The following HTR2C variants were observed in gnomAD, a reference collection of about 807,000 sequenced individuals.
The protein encoded by HTR2C is 5-hydroxytryptamine (serotonin) receptor 2C, G protein-coupled.
Under a neutral mutation model 21.0 loss-of-function variants are expected in HTR2C, and 5 were observed. The observed-to-expected ratio is 0.24, with a 90% CI of 0.12 to 0.50. The LOEUF (loss-of-function observed/expected upper bound fraction) is 0.50. Among genes scored for constraint, HTR2C ranks in the 20% least tolerant of loss-of-function variants. The pLI is 0.98. For missense variants in HTR2C, 271 were observed against 371.2 expected, an observed-to-expected ratio of 0.73 and a Z score of 2.22; for synonymous variants, 150 against 145.3, an observed-to-expected ratio of 1.03 and a Z score of -0.23.
rs1163455196 is a variant in HTR2C, at chrX:114,605,297, T to C, written c.-146-8518T>C. Among the ~76,000 whole-genome samples the C allele has an allele frequency of 2.7e-5, 3 of 110,769 alleles. No individual in the cohort carries two copies. In the South Asian group the frequency reaches 1.1e-3, roughly 42 times the overall value. ...AGGAGGGGAGGTGATAAAAAGATTA[T>C]AGGGTGGAGGAGCAGAGGCTGAGGA... On this transcript the variant is annotated intron_variant, in intron 1 of 5. Transcript: ENST00000276198.
rs782715573 is a variant in HTR2C at position 114,681,563 on chromosome X, C to T, written c.-79-45295C>T. Among the ~76,000 whole-genome samples, 43 of 111,102 alleles carry T rather than the reference C, an allele frequency of 3.9e-4. 2 individuals carry two copies. In the South Asian group the frequency reaches 0.015, roughly 40 times the overall value. On this transcript the variant is annotated intron_variant, in intron 2 of 5. Coordinates refer to ENST00000276198, the MANE Select transcript of HTR2C (RefSeq NM_000868.4). The stretch of plus-strand genomic sequence containing the variant: ...TAAAGAAGACTCAAGTTACAATTTG[C>T]AGTTGGGTTTTTTAACCTCTAGCTC...
rs1222982388 is a variant in HTR2C, at chrX:114,722,842, G to T, written c.-79-4016G>T. 3.7e-5 allele frequency among the ~76,000 whole-genome samples: 4 copies of T among 107,700 alleles called. No homozygotes were observed. In the East Asian group the frequency reaches 1.2e-3, roughly 31 times the overall value. The allele number at this position is 107,700 out of a possible 115,157, so 93.5% of individuals were successfully genotyped here. On this transcript the variant is annotated intron_variant, in intron 2 of 5. Coordinates refer to ENST00000276198, the MANE Select transcript of HTR2C (RefSeq NM_000868.4). ...TTATTGATTTGTGTATATTGAACCAGCCTTGCATCCCAGGGATGAAGCCCA... is the reference window on the plus strand; with the variant it reads ...TTATTGATTTGTGTATATTGAACCATCCTTGCATCCCAGGGATGAAGCCCA...
In HTR2C at chrX:114,648,498, A is replaced by G. The variant is rs782009726; in HGVS notation, c.-80+34617A>G. Among the ~76,000 whole-genome samples, 68 of 111,556 alleles carry G rather than the reference A, an allele frequency of 6.1e-4. 1 individual carries two copies. Among genetic ancestry groups the G allele is most frequent in the African/African-American group, 2.1e-3 (65 of 30,712 alleles). On this transcript the variant is annotated intron_variant, in intron 2 of 5. Coordinates refer to ENST00000276198, the MANE Select transcript of HTR2C (RefSeq NM_000868.4). The stretch of plus-strand genomic sequence containing the variant: ...ATCCCAGCACTTTGGGAGGCCGAGG[A>G]GGGAAGATTGCTTGAGCCCAGGTGT...
At chrX:114,717,352 C>T (rs782392923) in intron 2 of HTR2C, among the ~76,000 whole-genome samples, 3 of 112,116 alleles carry the variant, frequency 2.7e-5, no homozygotes, top group Non-Finnish European at 5.6e-5. Flanking sequence ...GGATTATAGG[C>T]GTGAGCCATC....
chrX:114,604,760 T>C (rs1298378697), intron 1 of HTR2C, among the ~76,000 whole-genome samples: 2 of 111,200 alleles, frequency 1.8e-5, no homozygotes, highest in Non-Finnish European at 3.8e-5. Flanking sequence ...TTCTGGCACG[T>C]GTAGCAAGCT....
intron 2 of HTR2C, among the ~76,000 whole-genome samples, chrX:114,723,635 T>C (rs1304641002): frequency 9.1e-6 from 1 of 109,734 alleles, no homozygotes; most frequent in Non-Finnish European, 1.9e-5. Context: ...TCTTTCCTGC[T>C]TTCTCTTGTG....
rs376681188 is a variant in HTR2C, at chrX:114,807,360, A to G, written c.350-40643A>G. On this transcript the variant is annotated intron_variant, in intron 4 of 5. Transcript: ENST00000276198. ...CCATGTATCTATACCATATATATAC[A>G]CCATATATCTATACCATATATATAC... Among the ~76,000 whole-genome samples the G allele has an allele frequency of 8.2e-3, 234 of 28,677 alleles. 63 individuals are homozygous for G. Among genetic ancestry groups the G allele is most frequent in the South Asian group, 0.048 (17 of 352 alleles). The allele number at this position is 28,677 out of a possible 115,157, so 24.9% of individuals were successfully genotyped here. A position where few individuals can be genotyped will look rare whatever the true frequency, so the allele number is the denominator to read the frequency against.
At chrX:114,820,934 A>G (rs962820047) in intron 4 of HTR2C, among the ~76,000 whole-genome samples, 15 of 111,679 alleles carry the variant, frequency 1.3e-4, no homozygotes, top group Admixed American at 7.7e-4. Flanking sequence ...TTTTCTGTTA[A>G]TTAAAATTTC....
At chrX:114,668,334 G>T (rs1337331245) in intron 2 of HTR2C, among the ~76,000 whole-genome samples, 1 of 111,609 alleles carries the variant, frequency 9.0e-6, no homozygotes, top group Admixed American at 9.6e-5. Flanking sequence ...GGCACTTTAA[G>T]AACATGTCTT....
At chrX:114,766,310 A>G (rs1295895424) in intron 4 of HTR2C, among the ~76,000 whole-genome samples, 1 of 111,901 alleles carries the variant, frequency 8.9e-6, no homozygotes, top group Non-Finnish European at 1.9e-5. Context: ...TTCATACAAT[A>G]GTGTTAATTT....
intron 2 of HTR2C, among the ~76,000 whole-genome samples, chrX:114,707,880 TAGTAAA>T (rs1435515177): frequency 9.1e-6 from 1 of 109,619 alleles, no homozygotes; most frequent in Non-Finnish European, 1.9e-5. Flanking sequence ...TACTATATAA[TAGTAAA>T]TAGGCAAAAA....
chrX:114,864,180 T>C (rs1450601425), intron 5 of HTR2C, among the ~76,000 whole-genome samples: 1 of 92,314 alleles, frequency 1.1e-5, no homozygotes, highest in Non-Finnish European at 2.2e-5. Context: ...TTCTTGTTTG[T>C]TTTCTGGTTA....
chrX:114,865,455 C>G (rs1282002242), intron 5 of HTR2C, among the ~76,000 whole-genome samples: 1 of 111,620 alleles, frequency 9.0e-6, no homozygotes, highest in African/African-American at 3.3e-5. Flanking sequence ...AAGAAACTAC[C>G]ATAATTTTCC....
intron 2 of HTR2C, among the ~76,000 whole-genome samples, chrX:114,670,293 G>T (rs1360307366): frequency 9.2e-6 from 1 of 108,948 alleles, no homozygotes; most frequent in Non-Finnish European, 1.9e-5. Context: ...TACTTGGGAG[G>T]CTGAGGCAGG....
intron 5 of HTR2C, among the ~76,000 whole-genome samples, chrX:114,891,244 AT>A: frequency 9.0e-6 from 1 of 111,112 alleles, no homozygotes; most frequent in Non-Finnish European, 1.9e-5. Context: ...CTGTTTTCAC[AT>A]TTGGATCTTT....
chrX:114,803,621 T>A (rs113810454), intron 4 of HTR2C, among the ~76,000 whole-genome samples: 1,080 of 102,847 alleles, frequency 0.011, 5 homozygotes, highest in Non-Finnish European at 0.017. Flanking sequence ...CATTGTAGAT[T>A]CTGGATATTA....
Position 114,875,303 on chromosome X carries a change from T to C in HTR2C, c.550+27100T>C, listed in dbSNP as rs149183277. ...TTGAGTGGGACACACATTCAGAATG[T>C]AACACCTCCTTATCAAACATATGGT... is the stretch of plus-strand genomic sequence containing the variant. On this transcript the variant is annotated intron_variant, in intron 5 of 5. Transcript: ENST00000276198. Among the ~76,000 whole-genome samples the C allele has an allele frequency of 5.2e-3, 586 of 112,125 alleles. 5 individuals carry two copies. The highest frequency in any genetic ancestry group is 0.018 in the African/African-American group (562 of 30,854).
intron 2 of HTR2C, among the ~76,000 whole-genome samples, chrX:114,641,864 G>A (rs1930143968): frequency 9.0e-6 from 1 of 111,122 alleles, no homozygotes; most frequent in Admixed American, 9.6e-5. Flanking sequence ...GCACGCATTA[G>A]CATTTCATCT....
intron 1 of HTR2C, among the ~76,000 whole-genome samples, chrX:114,601,794 G>C (rs191391004): frequency 0.029 from 3,037 of 103,116 alleles, 143 homozygotes; most frequent in African/African-American, 0.1. Flanking sequence ...CGAAAATTTT[G>C]GGGGGGTGGT....
Sources: gnomAD v4.1 joint callset for allele counts (sites outside exome capture counted in the v4.1 genomes callset) on GRCh38, gnomAD v4.1.1 for gene constraint, MANE v1.5 for transcripts, NCBI Gene and HGNC (gene_info 2026-07-23, HGNC 2026-07-21) for gene names.